The following NBEA variants were observed in gnomAD, a reference collection of about 807,000 sequenced individuals.
The protein encoded by NBEA is lysosomal-trafficking regulator 2.
NBEA carries 44 observed loss-of-function variants against 343.4 expected under a neutral mutation model. That is an observed-to-expected ratio of 0.13 (90% CI 0.10 to 0.16). The LOEUF (loss-of-function observed/expected upper bound fraction) is 0.16, where lower values mean the gene tolerates loss of function less well. NBEA is among the 10% of genes least tolerant of loss of function. The probability of loss-of-function intolerance (pLI) is 1.00; values close to 1 mark genes in which losing one functional copy is unlikely to be tolerated. For synonymous variants in NBEA, 1,175 were observed against 1,238.7 expected (o/e 0.95, Z 1.08); for missense variants, 2,555 against 3,631.3 (o/e 0.70, Z 7.62).
intron 17 of NBEA, among the ~76,000 whole-genome samples, chr13:35,132,747 A>G (rs1460444187): frequency 6.6e-6 from 1 of 152,206 alleles, no homozygotes; most frequent in African/African-American, 2.4e-5. Context: ...ATTAACTGCC[A>G]GTGGGCACAG....
At chr13:35,495,669 A>G (rs1359328343) in intron 41 of NBEA, among the ~76,000 whole-genome samples, 2 of 152,030 alleles carry the variant, frequency 1.3e-5, no homozygotes, top group Non-Finnish European at 2.9e-5. Context: ...AACCAGACCT[A>G]ATACACATCT....
At chr13:35,424,791 T>C (rs1380613259) in intron 38 of NBEA, among the ~76,000 whole-genome samples, 1 of 152,196 alleles carries the variant, frequency 6.6e-6, no homozygotes, top group East Asian at 1.9e-4. Flanking sequence ...GACTTTTTTT[T>C]CGTTGGTAAG....
At chr13:35,025,859 T>C (rs2062002720) in intron 1 of NBEA, among the ~76,000 whole-genome samples, 3 of 152,180 alleles carry the variant, frequency 2.0e-5, no homozygotes. Context: ...GGTTCTTTTC[T>C]GTTTTAATCT....
chr13:34,953,616 A>T lies in NBEA; in HGVS notation c.294+10502A>T, dbSNP rs568853799. ...TTCAGATTTAGTACCCACACATTCT[A>T]TTTTAAATTACAGTTGGCCCTCTGT... On this transcript the variant is annotated intron_variant, in intron 1 of 58. Coordinates refer to ENST00000379939, the MANE Select transcript of NBEA (RefSeq NM_001385012.1). Among the ~76,000 whole-genome samples, 61 of 152,322 alleles carry T rather than the reference A, an allele frequency of 4.0e-4. 1 individual carries two copies. The South Asian group carries it at 0.012, about 31-fold the overall frequency.
At chr13:35,362,908 AAAAC>A (rs1175839657) in intron 38 of NBEA, among the ~76,000 whole-genome samples, 1 of 152,050 alleles carries the variant, frequency 6.6e-6, no homozygotes, top group Non-Finnish European at 1.5e-5. Flanking sequence ...GGTAAGCACT[AAAAC>A]AAAGTAAGCA....
chr13:35,127,359 C>G (rs774832523), intron 17 of NBEA, among the ~76,000 whole-genome samples: 1 of 152,200 alleles, frequency 6.6e-6, no homozygotes, highest in East Asian at 1.9e-4. Context: ...AAAGTCCAAC[C>G]AACTAGGAAT....
At chr13:35,512,511 A>G (rs1243050807) in intron 41 of NBEA, among the ~76,000 whole-genome samples, 1 of 152,204 alleles carries the variant, frequency 6.6e-6, no homozygotes, top group East Asian at 1.9e-4. Context: ...TTCATAAACC[A>G]TTTGGTCTGC....
intron 34 of NBEA, among the ~76,000 whole-genome samples, chr13:35,274,979 T>G (rs1407132185): frequency 6.6e-6 from 1 of 152,180 alleles, no homozygotes; most frequent in African/African-American, 2.4e-5. Context: ...TACCACTGAC[T>G]TTCTTCAAAG....
chr13:35,094,486 C>T (rs1470384589), intron 10 of NBEA, among the ~76,000 whole-genome samples: 1 of 152,032 alleles, frequency 6.6e-6, no homozygotes, highest in Non-Finnish European at 1.5e-5. Context: ...AAAGTGACTG[C>T]TAAATATACC....
At chr13:35,402,241 T>C (rs946076238) in intron 38 of NBEA, among the ~76,000 whole-genome samples, 2 of 152,018 alleles carry the variant, frequency 1.3e-5, no homozygotes, top group Non-Finnish European at 2.9e-5. Context: ...TGCTGATCTT[T>C]AGAAAAATAT....
At chr13:35,376,556 A>G (rs1056884567) in intron 38 of NBEA, among the ~76,000 whole-genome samples, 5 of 151,922 alleles carry the variant, frequency 3.3e-5, no homozygotes, top group African/African-American at 9.7e-5. Flanking sequence ...CCCTTTATTC[A>G]TTTTTCTTCT....
chr13:35,261,161 G>A (rs1038635576), intron 34 of NBEA, among the ~76,000 whole-genome samples: 2 of 152,114 alleles, frequency 1.3e-5, no homozygotes. Flanking sequence ...GAAATGACAG[G>A]GATAAGGGGT....
At chr13:35,199,919 A>G (rs1383760037) in intron 31 of NBEA, among the ~76,000 whole-genome samples, 4 of 152,068 alleles carry the variant, frequency 2.6e-5, no homozygotes, top group Admixed American at 6.6e-5. Flanking sequence ...CAGATTAAGT[A>G]TATATCTTTG....
chr13:35,018,983 G>T (rs956233411), intron 1 of NBEA, among the ~76,000 whole-genome samples: 2 of 150,570 alleles, frequency 1.3e-5, no homozygotes, highest in African/African-American at 4.9e-5. Flanking sequence ...TGCTTTTTCT[G>T]TATCTTTTGA....
At chr13:35,175,152 A>G (rs572108693) in intron 27 of NBEA, among the ~76,000 whole-genome samples, 4 of 152,288 alleles carry the variant, frequency 2.6e-5, no homozygotes, top group African/African-American at 9.6e-5. Flanking sequence ...AGAATCAGAC[A>G]GTTCTGAGTT....
intron 38 of NBEA, among the ~76,000 whole-genome samples, chr13:35,425,412 G>A (rs1272831857): frequency 5.3e-5 from 8 of 152,312 alleles, no homozygotes; most frequent in Admixed American, 5.2e-4. Context: ...GTACCCAGTA[G>A]TCATTCAGGA....
In NBEA at chr13:34,998,226, G is replaced by A. The variant is rs112814997; in HGVS notation, c.295-42707G>A. 8.8e-3 allele frequency among the ~76,000 whole-genome samples: 1,342 copies of A among 152,226 alleles called. 21 individuals are homozygous for A. The highest frequency in any genetic ancestry group is 0.03 in the African/African-American group (1,266 of 41,514). The stretch of plus-strand genomic sequence containing the variant: ...AAAGGGGAGGGAGTGTACAAATAGG[G>A]TGTGGGTGACAGAGATCACCTGCTT... On this transcript the variant is annotated intron_variant, in intron 1 of 58. Coordinates refer to ENST00000379939, the MANE Select transcript of NBEA (RefSeq NM_001385012.1).
At chr13:35,034,221 AG>A (rs1813159771) in intron 1 of NBEA, among the ~76,000 whole-genome samples, 1 of 151,950 alleles carries the variant, frequency 6.6e-6, no homozygotes, top group African/African-American at 2.4e-5. Flanking sequence ...TTTATCATGA[AG>A]GGATGTTGAA....
intron 27 of NBEA, among the ~76,000 whole-genome samples, chr13:35,174,266 A>G (rs1185629644): frequency 6.6e-6 from 1 of 152,088 alleles, no homozygotes. Context: ...TATCCAGCTA[A>G]AATCTATGTA....
Sources: allele counts gnomAD v4.1 joint callset (sites outside exome capture counted in the v4.1 genomes callset), GRCh38; gene constraint gnomAD v4.1.1; transcripts MANE v1.5; gene names NCBI Gene and HGNC (gene_info 2026-07-23, HGNC 2026-07-21).